The following DPP6 variants were observed in gnomAD, a reference collection of about 807,000 sequenced individuals.
DPP6 encodes A-type potassium channel modulatory protein DPP6.
In DPP6, 69 loss-of-function variants were observed where a neutral mutation model predicts 122.6. The observed-to-expected ratio is 0.56, with a 90% confidence interval of 0.46 to 0.69. DPP6 has a LOEUF of 0.69. Ranked by LOEUF, DPP6 falls within the 30% of genes least tolerant of loss-of-function variation. DPP6 has a pLI of 0.00. For missense variants in DPP6, 928 were observed against 1,116.9 expected, an observed-to-expected ratio of 0.83 and a Z score of 2.41; for synonymous variants, 418 against 433.1, an observed-to-expected ratio of 0.97 and a Z score of 0.43.
chr7:154,750,039 G>A (rs1843294428), intron 8 of DPP6, among the ~76,000 whole-genome samples: 1 of 152,038 alleles, frequency 6.6e-6, no homozygotes, highest in African/African-American at 2.4e-5. Flanking sequence ...GTGAGAGTGT[G>A]AGGAAGCATA....
intron 1 of DPP6, among the ~76,000 whole-genome samples, chr7:154,262,139 G>A (rs1803065623): frequency 6.6e-6 from 1 of 152,106 alleles, no homozygotes; most frequent in African/African-American, 2.4e-5. Context: ...TGAAAATTGA[G>A]GATAACTTCA....
At chr7:153,929,672 A>G (rs1448808215) in intron 1 of DPP6, among the ~76,000 whole-genome samples, 1 of 152,138 alleles carries the variant, frequency 6.6e-6, no homozygotes, top group African/African-American at 2.4e-5. Context: ...TCCCACCAGC[A>G]GTGGGTGGGA....
chr7:154,111,272 T>C (rs1289014543), intron 1 of DPP6, among the ~76,000 whole-genome samples: 1 of 152,212 alleles, frequency 6.6e-6, no homozygotes, highest in Non-Finnish European at 1.5e-5. Context: ...GAGCAGGTCT[T>C]CAGTAGCACA....
At chr7:154,093,336 A>G (rs945501044) in intron 1 of DPP6, among the ~76,000 whole-genome samples, 2 of 145,630 alleles carry the variant, frequency 1.4e-5, no homozygotes, top group African/African-American at 5.1e-5. Context: ...TACACACCAC[A>G]TCATACACAG....
At chr7:154,296,246 C>T (rs930508557) in intron 1 of DPP6, among the ~76,000 whole-genome samples, 1 of 152,104 alleles carries the variant, frequency 6.6e-6, no homozygotes, top group Admixed American at 6.5e-5. Context: ...GCCCGGCTGC[C>T]GTTGCTTCTA....
At position 154,124,559 on chromosome 7, in the gene DPP6, T is replaced by G. The variant is rs1429283503; in HGVS notation, c.243+71496T>G. On this transcript the variant is annotated intron_variant, in intron 1 of 25. Transcript: ENST00000377770. ...TGCCATGGAAGACATTGATGTATTT[T>G]CAACAGTGCAGATAGAAAGCAGTAA... Among the ~76,000 whole-genome samples, 6 of 152,206 alleles carry G rather than the reference T, an allele frequency of 3.9e-5. No individual in the cohort carries two copies. The East Asian group carries it at 1.2e-3, about 29-fold the overall frequency.
At chr7:153,754,634 ATTC>A in the DPP6 span, among the ~76,000 whole-genome samples, 1 of 152,130 alleles carries the variant, frequency 6.6e-6, no homozygotes, top group Non-Finnish European at 1.5e-5. Flanking sequence ...TTTCGGTCCT[ATTC>A]TTAATTTGTT....
chr7:154,308,948 G>T (rs1016056334), intron 1 of DPP6, among the ~76,000 whole-genome samples: 4 of 152,274 alleles, frequency 2.6e-5, no homozygotes, highest in Non-Finnish European at 5.9e-5. Flanking sequence ...GTATGTGTGT[G>T]CATGCGTATG....
intron 1 of DPP6, among the ~76,000 whole-genome samples, chr7:154,159,637 G>T (rs1796873587): frequency 6.6e-6 from 1 of 152,280 alleles, no homozygotes; most frequent in Non-Finnish European, 1.5e-5. Flanking sequence ...CTGCCTCCCA[G>T]ACATGAACTT....
intron 2 of DPP6, among the ~76,000 whole-genome samples, chr7:154,458,341 A>G (rs1314657589): frequency 6.6e-6 from 1 of 152,146 alleles, no homozygotes; most frequent in East Asian, 1.9e-4. Flanking sequence ...GCCATGTAAG[A>G]TGTGCCTTTG....
intron 4 of DPP6, among the ~76,000 whole-genome samples, chr7:154,563,464 G>T (rs373184232): frequency 7.9e-5 from 12 of 152,232 alleles, no homozygotes; most frequent in African/African-American, 2.9e-4. Flanking sequence ...GGCCCTGGCC[G>T]CCTGGGAAAG....
chr7:154,534,458 A>G (rs573911645), intron 3 of DPP6, among the ~76,000 whole-genome samples: 1 of 152,310 alleles, frequency 6.6e-6, no homozygotes, highest in East Asian at 1.9e-4. Flanking sequence ...TTATTTGCAT[A>G]ACATGATTGT....
the DPP6 span, among the ~76,000 whole-genome samples, chr7:153,754,559 A>G: frequency 5.3e-5 from 8 of 152,314 alleles, no homozygotes; most frequent in South Asian, 2.1e-4. Context: ...GGGTGCAAAG[A>G]TCACCTTGAA....
intron 10 of DPP6, among the ~76,000 whole-genome samples, chr7:154,776,558 T>C (rs553786962): frequency 6.6e-6 from 1 of 152,156 alleles, no homozygotes; most frequent in Non-Finnish European, 1.5e-5. Flanking sequence ...GAACAGGAAG[T>C]TGTTGAGGCA....
chr7:153,748,754 G>GCA, the DPP6 span, among the ~76,000 whole-genome samples: 1 of 126,818 alleles, frequency 7.9e-6, no homozygotes, highest in Non-Finnish European at 1.7e-5. Flanking sequence ...TCCTTCTCCA[G>GCA]CTCTGGGCTG....
intron 1 of DPP6, among the ~76,000 whole-genome samples, chr7:153,983,622 T>G (rs1796700914): frequency 6.6e-6 from 1 of 151,644 alleles, no homozygotes; most frequent in Non-Finnish European, 1.5e-5. Flanking sequence ...GCTAGCTTGG[T>G]GTCTGCCCAA....
chr7:154,219,839 G>A (rs1800203844), intron 1 of DPP6, among the ~76,000 whole-genome samples: 3 of 152,074 alleles, frequency 2.0e-5, no homozygotes, highest in African/African-American at 7.2e-5. Context: ...TGCCTGCCTC[G>A]GCCTCCCAAA....
chr7:154,082,494 G>GTCAC lies in DPP6; in HGVS notation c.243+29432_243+29435dup, dbSNP rs1398759362. Among the ~76,000 whole-genome samples the GTCAC allele has an allele frequency of 2.6e-5, 4 of 151,944 alleles. No individual in the cohort carries two copies. In the South Asian group the frequency reaches 8.3e-4, roughly 32 times the overall value. ...TTATTGCAGTGAGGAGTAGCAAGAA[G>GTCAC]TCACCTAATTTCAACAACACAATCA... On this transcript the variant is annotated intron_variant, in intron 1 of 25. Coordinates refer to ENST00000377770, the MANE Select transcript of DPP6 (RefSeq NM_130797.4).
the DPP6 span, among the ~76,000 whole-genome samples, chr7:153,808,384 TGC>T: frequency 6.6e-6 from 1 of 151,598 alleles, no homozygotes; most frequent in Non-Finnish European, 1.5e-5. Context: ...TGCCTGTGTG[TGC>T]GTGTGTGCCT....
Sources: allele counts gnomAD v4.1 joint callset (sites outside exome capture counted in the v4.1 genomes callset), GRCh38; gene constraint gnomAD v4.1.1; transcripts MANE v1.5; gene names NCBI Gene and HGNC (gene_info 2026-07-23, HGNC 2026-07-21).